PCDH15: variants seen among roughly 807,000 people sequenced by gnomAD.
PCDH15 encodes protocadherin-15.
A neutral mutation model predicts 178.5 loss-of-function variants in PCDH15; 129 were observed. That is an observed-to-expected ratio of 0.72 (90% confidence interval 0.63 to 0.84). The LOEUF (loss-of-function observed/expected upper bound fraction) is 0.84, where lower values mean the gene tolerates loss of function less well. Ranked by LOEUF, PCDH15 falls within the 40% of genes least tolerant of loss-of-function variation. The pLI is 0.00. For missense variants in PCDH15, 2,230 were observed against 2,099.9 expected (o/e 1.06, Z -1.21); for synonymous variants, 800 against 732.0 (o/e 1.09, Z -1.50).
At chr10:54,650,683 CGTG>C (rs1034043429) in intron 2 of PCDH15, among the ~76,000 whole-genome samples, 1 of 152,030 alleles carries the variant, frequency 6.6e-6, no homozygotes, top group African/African-American at 2.4e-5. Flanking sequence ...GCCTCACAAT[CGTG>C]GTGGAAGAGC....
chr10:55,156,655 A>T (rs1474681064), intron 2 of PCDH15, among the ~76,000 whole-genome samples: 1 of 152,102 alleles, frequency 6.6e-6, no homozygotes, highest in Non-Finnish European at 1.5e-5. Context: ...CCCACTCTGC[A>T]TCTTTCTGAT....
At chr10:55,002,008 G>T (rs573084614) in intron 2 of PCDH15, among the ~76,000 whole-genome samples, 4 of 152,166 alleles carry the variant, frequency 2.6e-5, no homozygotes, top group African/African-American at 4.8e-5. Context: ...GGGCCTTCAT[G>T]TGTCTTCATG....
intron 3 of PCDH15, among the ~76,000 whole-genome samples, chr10:54,495,878 C>G (rs375947364): frequency 6.6e-6 from 1 of 152,178 alleles, no homozygotes; most frequent in Non-Finnish European, 1.5e-5. Context: ...ACACACTCCA[C>G]TGAATGTGCT....
At position 54,412,106 on chromosome 10, in the gene PCDH15, G is replaced by T. The variant is rs183435537; in HGVS notation, c.158-33164C>A. On this transcript the variant is annotated intron_variant, in intron 3 of 37. Transcript: ENST00000644397. ...TTGAAGGCATGTGATGGGCAAAAGAGCCTGAGGAACTGACAATAGATGGAG... is the reference window on the plus strand; with the variant it reads ...TTGAAGGCATGTGATGGGCAAAAGATCCTGAGGAACTGACAATAGATGGAG... 9.9e-5 allele frequency among the ~76,000 whole-genome samples: 15 copies of T among 152,136 alleles called. No individual in the cohort carries two copies. In the South Asian group the frequency reaches 1.9e-3, roughly 19 times the overall value.
chr10:54,049,901 G>T (rs950944781), intron 18 of PCDH15, among the ~76,000 whole-genome samples: 5 of 152,290 alleles, frequency 3.3e-5, no homozygotes, highest in Admixed American at 6.5e-5. Context: ...TTACAGGTGT[G>T]AGCCATGGTG....
intron 2 of PCDH15, among the ~76,000 whole-genome samples, chr10:55,424,012 A>G (rs1262730248): frequency 6.6e-6 from 1 of 152,088 alleles, no homozygotes; most frequent in East Asian, 1.9e-4. Context: ...GAAGACACAC[A>G]CAAGCAGAAG....
intron 1 of PCDH15, among the ~76,000 whole-genome samples, chr10:55,262,625 G>A (rs1303362301): frequency 1.3e-5 from 2 of 152,132 alleles, no homozygotes; most frequent in Admixed American, 1.3e-4. Context: ...GTTCTAAGGA[G>A]AGCCCGGCCA....
intron 9 of PCDH15, among the ~76,000 whole-genome samples, chr10:54,230,512 C>G (rs902060681): frequency 2.1e-4 from 32 of 152,076 alleles, no homozygotes; most frequent in African/African-American, 7.2e-4. Flanking sequence ...CATTTTCATC[C>G]CTTCTCAATG....
chr10:53,884,850 G>A (rs925370376), intron 26 of PCDH15, among the ~76,000 whole-genome samples: 58 of 152,206 alleles, frequency 3.8e-4, no homozygotes, highest in African/African-American at 1.3e-3. Flanking sequence ...AAATGTAGGT[G>A]AGATACACAT....
intron 2 of PCDH15, among the ~76,000 whole-genome samples, chr10:55,364,645 T>C (rs1845309373): frequency 6.6e-6 from 1 of 152,104 alleles, no homozygotes; most frequent in South Asian, 2.1e-4. Context: ...CAGGCTCATG[T>C]CTTCAATTTT....
intron 2 of PCDH15, among the ~76,000 whole-genome samples, chr10:55,475,566 C>T (rs1450763321): frequency 6.6e-6 from 1 of 151,988 alleles, no homozygotes; most frequent in East Asian, 1.9e-4. Context: ...TACACCTGAC[C>T]TTGTAAAATA....
chr10:54,382,040 T>G (rs1949296855), intron 3 of PCDH15, among the ~76,000 whole-genome samples: 1 of 152,142 alleles, frequency 6.6e-6, no homozygotes, highest in Admixed American at 6.6e-5. Flanking sequence ...TTTAGAATAA[T>G]AAAAATCAAA....
At chr10:54,718,136 A>G (rs1201193434) in intron 1 of PCDH15, among the ~76,000 whole-genome samples, 1 of 149,368 alleles carries the variant, frequency 6.7e-6, no homozygotes, top group Non-Finnish European at 1.5e-5. Flanking sequence ...GGGGAGGGAT[A>G]GCATTGGGAG....
At chr10:55,582,076 G>A (rs531276834) in intron 2 of PCDH15, among the ~76,000 whole-genome samples, 28 of 152,104 alleles carry the variant, frequency 1.8e-4, no homozygotes, top group Non-Finnish European at 3.4e-4. Context: ...TATGCTAATC[G>A]TGTGGACACG....
At chr10:54,088,306 A>C (rs76743001) in intron 16 of PCDH15, among the ~76,000 whole-genome samples, 1 of 152,046 alleles carries the variant, frequency 6.6e-6, no homozygotes, top group Non-Finnish European at 1.5e-5. Flanking sequence ...TGACAAATGA[A>C]CAGTGATCGT....
chr10:54,838,079 T>G (rs1029404153), intron 3 of PCDH15, among the ~76,000 whole-genome samples: 10 of 151,934 alleles, frequency 6.6e-5, no homozygotes. Flanking sequence ...AATACATACT[T>G]GAAGGAGGTT....
chr10:53,972,956 A>T (rs1172075422), intron 21 of PCDH15, among the ~76,000 whole-genome samples: 1 of 152,178 alleles, frequency 6.6e-6, no homozygotes, highest in Non-Finnish European at 1.5e-5. Context: ...TATGCAAAGG[A>T]TTATAAATCA....
chr10:54,067,000 C>T (rs565852609), intron 17 of PCDH15, 115 bp from the exon 18 acceptor site: 1 of 882,998 alleles, frequency 1.1e-6, no homozygotes, highest in African/African-American at 1.7e-5. Context: ...TCTTTCTAAT[C>T]CTTAGCTTTC....
chr10:54,182,506 A>AGTGTGTGTGTGTGTGT (rs71007813), intron 13 of PCDH15, among the ~76,000 whole-genome samples: 10 of 148,078 alleles, frequency 6.8e-5, no homozygotes, highest in African/African-American at 2.5e-4. Context: ...AGAGAAAAAA[A>AGTGTGTGTGTGTGTGT]GTGTGTGTGT....
Sources: allele counts gnomAD v4.1 joint callset (sites outside exome capture counted in the v4.1 genomes callset), GRCh38; gene constraint gnomAD v4.1.1; transcripts MANE v1.5; gene names NCBI Gene and HGNC (gene_info 2026-07-23, HGNC 2026-07-21).